Variants in NR2C1 observed in about 807,000 individuals in gnomAD.
NR2C1 encodes TR2 nuclear hormone receptor.
A neutral mutation model predicts 74.8 loss-of-function variants in NR2C1; 33 were observed. The observed-to-expected ratio is 0.44, with a 90% CI of 0.33 to 0.59. The LOEUF is 0.59. Ranked by LOEUF, NR2C1 falls within the 20% of genes least tolerant of loss-of-function variation. NR2C1 has a pLI of 0.02. For missense variants in NR2C1, 568 were observed against 715.6 expected (o/e 0.79, Z 2.35); for synonymous variants, 225 against 240.6 (o/e 0.94, Z 0.60).
At position 95,049,222 on chromosome 12, in the gene NR2C1, G is replaced by A. The variant is rs1872675030; in HGVS notation, c.977C>T (p.Thr326Ile). ...TNGDVSRAFD[T>I]LAKALNPGES... ...TCCAGGATTCAATGCTTTTGCAAGA[G>A]TGTCAAATGCCCTGTATGAAGACAT... is the stretch of plus-strand genomic sequence containing the variant. Residue 326 changes from threonine to isoleucine, a missense_variant, in exon 9 of 14, where the codon ACT (threonine) becomes ATT (isoleucine). Around this residue, in one of 6 missense-constraint regions of NR2C1, gnomAD observed 239 missense variants for 232.3 expected, o/e 1.03. Transcript: ENST00000333003. 2.5e-6 allele frequency: 4 copies of A among 1,613,630 alleles called. No individual in the cohort carries two copies. Among genetic ancestry groups the A allele is most frequent in the East Asian group, 2.2e-5 (1 of 44,876 alleles).
At chr12:95,042,427 C>T (rs193789) in intron 9 of NR2C1, among the ~76,000 whole-genome samples, 2 of 151,638 alleles carry the variant, frequency 1.3e-5, no homozygotes, top group African/African-American at 2.4e-5. Flanking sequence ...TGGCCAGGCT[C>T]GTCTCAAACT....
At chr12:95,026,744 G>A (rs1362150412) in intron 12 of NR2C1, 2 of 152,092 alleles carry the variant, frequency 1.3e-5, no homozygotes, top group Admixed American at 6.6e-5. Flanking sequence ...ATTTTATTAT[G>A]ATGCACAAGA....
chr12:95,031,460 CT>C lies in NR2C1; in HGVS notation c.1281del (p.Ala428LeufsTer17). 1 of 1,602,962 alleles carries C rather than the reference CT, an allele frequency of 6.2e-7. No individual in the cohort carries two copies. Among genetic ancestry groups the C allele is most frequent in the Non-Finnish European group, 8.5e-7 (1 of 1,175,724 alleles). On this transcript the variant is annotated frameshift_variant, in exon 11 of 14. Transcript: ENST00000333003. LOFTEE classifies it high-confidence loss of function. Reference protein sequence around the residue: ...LGQENSISLVKAYWNELFTLG... With the variant: ...LGQENSISLVXAYWNELFTLG... ...AGAGTAAAAAGTTCATTCCAGTAAG[CT>C]TTCACCAGTGATATGCTGTTTTCTT...
intron 10 of NR2C1, among the ~76,000 whole-genome samples, chr12:95,033,025 T>G (rs2136107270): frequency 6.6e-6 from 1 of 151,786 alleles, no homozygotes; most frequent in Admixed American, 6.6e-5. Context: ...TCCCAGCTAC[T>G]CAGGAGGGTT....
chr12:95,030,568 A>T (rs866689219), intron 11 of NR2C1: 1 of 1,613,168 alleles, frequency 6.2e-7, no homozygotes, highest in Middle Eastern at 1.7e-4. Context: ...GTAAGATGGG[A>T]ATGTGATGCT....
chr12:95,067,153 G>C (rs1396801947), intron 2 of NR2C1, 178 bp downstream of exon 2: 3 of 642,668 alleles, frequency 4.7e-6, no homozygotes, highest in Non-Finnish European at 8.3e-6. Flanking sequence ...ACCTGTCACA[G>C]AACTTACCAC....
intron 2 of NR2C1, among the ~76,000 whole-genome samples, chr12:95,066,304 C>G (rs944934808): frequency 3.3e-5 from 5 of 152,298 alleles, no homozygotes; most frequent in Non-Finnish European, 5.9e-5. Context: ...GAGCTCCAGA[C>G]CAGCCTGGGC....
intron 1 of NR2C1, among the ~76,000 whole-genome samples, chr12:95,072,092 A>G (rs1876724102): frequency 6.6e-6 from 1 of 151,054 alleles, no homozygotes; most frequent in Admixed American, 6.6e-5. Flanking sequence ...TTTTTCAGAT[A>G]TACTAACTGG....
intron 10 of NR2C1, 126 bp downstream of exon 10, chr12:95,040,350 C>T (rs1871369705): frequency 1.2e-6 from 1 of 823,582 alleles, no homozygotes; most frequent in East Asian, 2.9e-5. Flanking sequence ...TTGAATGACA[C>T]AACTTAAAGC....
intron 12 of NR2C1, chr12:95,027,965 AAT>A (rs1422341389): frequency 1.3e-5 from 2 of 155,018 alleles, no homozygotes; most frequent in East Asian, 3.8e-4. Flanking sequence ...GAAATCAAAC[AAT>A]ATGACTGGCT....
In NR2C1 at chr12:95,051,941, AGCCTTT is replaced by A; in HGVS notation, c.784-4_785del. 6.4e-7 allele frequency: 1 copy of A among 1,558,540 alleles called. No homozygotes were observed. The highest frequency in any genetic ancestry group is 8.6e-7 in the Non-Finnish European group (1 of 1,157,982). On this transcript the variant is annotated splice_acceptor_variant and splice_polypyrimidine_tract_variant and coding_sequence_variant and intron_variant, in exon 8 of 14. Coordinates refer to ENST00000333003, the MANE Select transcript of NR2C1 (RefSeq NM_003297.4). LOFTEE classifies it high-confidence loss of function. The stretch of plus-strand genomic sequence containing the variant: ...TACTTAAATCTCCCTGACATGATTC[AGCCTTT>A]AAAAAAAAGGGTATTAAAATTCTGT...
At chr12:95,066,429 T>TATAC (rs3074193) in intron 2 of NR2C1, among the ~76,000 whole-genome samples, 7 of 152,156 alleles carry the variant, frequency 4.6e-5, no homozygotes, top group African/African-American at 1.4e-4. Context: ...TATATATACA[T>TATAC]ATACATACAT....
At chr12:95,031,253 T>G in intron 11 of NR2C1, 96 bp downstream of exon 11, 1 of 1,026,830 alleles carries the variant, frequency 9.7e-7, no homozygotes, top group Non-Finnish European at 1.3e-6. Context: ...AAAACACTAA[T>G]ATAATAATTA....
intron 4 of NR2C1, among the ~76,000 whole-genome samples, 169 bp from the exon 5 acceptor site, chr12:95,058,658 G>T: frequency 6.6e-6 from 1 of 152,170 alleles, no homozygotes; most frequent in Non-Finnish European, 1.5e-5. Flanking sequence ...CTTTTTTAGA[G>T]ACGGGATCTC....
At chr12:95,071,428 G>T (rs1005508195) in intron 1 of NR2C1, among the ~76,000 whole-genome samples, 23 of 152,228 alleles carry the variant, frequency 1.5e-4, no homozygotes, top group African/African-American at 5.5e-4. Context: ...AAACGGCAAC[G>T]AATTATATTT....
At chr12:95,061,321 T>C (rs1367034622) in intron 3 of NR2C1, among the ~76,000 whole-genome samples, 4 of 152,206 alleles carry the variant, frequency 2.6e-5, no homozygotes, top group Non-Finnish European at 5.9e-5. Context: ...AATGTATCAG[T>C]ATTGCTCATT....
At chr12:95,053,936 G>A (rs1421698922) in intron 7 of NR2C1, among the ~76,000 whole-genome samples, 1 of 152,086 alleles carries the variant, frequency 6.6e-6, no homozygotes, top group Non-Finnish European at 1.5e-5. Flanking sequence ...GCCCGCCTTG[G>A]CCTCCCAAAG....
chr12:95,030,751 A>G (rs1565835432), intron 11 of NR2C1: 23 of 1,608,748 alleles, frequency 1.4e-5, no homozygotes, highest in African/African-American at 2.7e-5. Context: ...TCAAAAGGCA[A>G]TTTTCCCCAT....
intron 3 of NR2C1, among the ~76,000 whole-genome samples, chr12:95,062,166 G>A (rs1321227738): frequency 6.6e-6 from 1 of 152,186 alleles, no homozygotes; most frequent in Non-Finnish European, 1.5e-5. Flanking sequence ...TTTGCAGCAT[G>A]CTCCAATAGT....
Sources: allele counts gnomAD v4.1 joint callset (sites outside exome capture counted in the v4.1 genomes callset), GRCh38; gene constraint gnomAD v4.1.1; regional missense constraint gnomAD v4.1.1; transcripts MANE v1.5; gene names NCBI Gene and HGNC (gene_info 2026-07-23, HGNC 2026-07-21).